The following PYGO1 variants were observed in gnomAD, a reference collection of about 807,000 sequenced individuals.
PYGO1 encodes pygopus family PHD finger 1, also known as pygopus homolog 1.
A neutral mutation model predicts 29.5 loss-of-function variants in PYGO1; 6 were observed. The ratio of observed to expected loss-of-function variants is 0.20; its 90% confidence interval spans 0.11 to 0.40. PYGO1 has a LOEUF of 0.40. PYGO1 is among the 10% of genes least tolerant of loss of function. The pLI is 1.00. For missense variants in PYGO1, 515 were observed against 514.9 expected, an observed-to-expected ratio of 1.00 and a Z score of 0.00; for synonymous variants, 186 against 180.5, an observed-to-expected ratio of 1.03 and a Z score of -0.24.
intron 1 of PYGO1, among the ~76,000 whole-genome samples, chr15:55,564,586 ATG>A (rs1170505169): frequency 7.3e-5 from 6 of 82,302 alleles, no homozygotes; most frequent in Non-Finnish European, 1.6e-4. Context: ...TCTGGTGGCC[ATG>A]CCTGTCCCAG....
intron 1 of PYGO1, among the ~76,000 whole-genome samples, chr15:55,560,064 A>ACAGCTGAT (rs1309317833): frequency 6.6e-6 from 1 of 152,094 alleles, no homozygotes; most frequent in African/African-American, 2.4e-5. Context: ...TGACAAACCC[A>ACAGCTGAT]CAGCTGATTA....
In PYGO1 at chr15:55,578,369, A is replaced by G. The variant is rs578241058; in HGVS notation, c.49+9466T>C. ...AAGCATGTTTTCAATCCTCTTGAGTATCTATCTAGAGGTGGAATCACTGGG... is the reference window on the plus strand; with the variant it reads ...AAGCATGTTTTCAATCCTCTTGAGTGTCTATCTAGAGGTGGAATCACTGGG... On this transcript the variant is annotated intron_variant, in intron 1 of 2. Transcript: ENST00000563719. Among the ~76,000 whole-genome samples the G allele has an allele frequency of 1.7e-4, 26 of 152,038 alleles. No individual in the cohort carries two copies. The South Asian group carries it at 5.2e-3, about 30-fold the overall frequency.
chr15:55,565,721 A>C (rs2058953383), intron 1 of PYGO1, among the ~76,000 whole-genome samples: 1 of 152,096 alleles, frequency 6.6e-6, no homozygotes, highest in Non-Finnish European at 1.5e-5. Flanking sequence ...CTCCCCCAAA[A>C]AAAAACAAAA....
chr15:55,587,575 G>T (rs950313268), intron 1 of PYGO1, among the ~76,000 whole-genome samples: 1 of 151,916 alleles, frequency 6.6e-6, no homozygotes, highest in African/African-American at 2.4e-5. Context: ...TGAGGAGGGG[G>T]TAAGAAAGGA....
intron 1 of PYGO1, among the ~76,000 whole-genome samples, chr15:55,559,108 A>T (rs2058921141): frequency 6.6e-6 from 1 of 152,214 alleles, no homozygotes; most frequent in Non-Finnish European, 1.5e-5. Context: ...TAATATCCAG[A>T]ATCTACAAAG....
chr15:55,541,594 C>G lies in PYGO1; in HGVS notation c.*4429G>C, dbSNP rs2058828243. On this transcript the variant is annotated 3_prime_UTR_variant, in exon 3 of 3. Coordinates refer to ENST00000563719, the MANE Select transcript of PYGO1 (RefSeq NM_001367806.1). Reference sequence around the variant, plus strand: ...CTTTTCCCACTATCTTCATTCATACCTTAGTAGAAAATGCTTTTCTCTTAA... The same window carrying G: ...CTTTTCCCACTATCTTCATTCATACGTTAGTAGAAAATGCTTTTCTCTTAA... 1.3e-5 allele frequency: 2 copies of G among 152,076 alleles called. No homozygotes were observed. Among genetic ancestry groups the G allele is most frequent in the African/African-American group, 4.8e-5 (2 of 41,396 alleles). The allele number at this position is 152,076 out of a possible 1,614,324, so 9.4% of individuals were successfully genotyped here. A position where few individuals can be genotyped will look rare whatever the true frequency, so the allele number is the denominator to read the frequency against.
At chr15:55,552,953 C>G (rs1309752007) in intron 1 of PYGO1, among the ~76,000 whole-genome samples, 1 of 152,212 alleles carries the variant, frequency 6.6e-6, no homozygotes, top group Non-Finnish European at 1.5e-5. Context: ...CTTGGAATTC[C>G]AGCCACCAGC....
chr15:55,558,593 A>G (rs1389104522), intron 1 of PYGO1, among the ~76,000 whole-genome samples: 1 of 152,080 alleles, frequency 6.6e-6, no homozygotes, highest in Non-Finnish European at 1.5e-5. Flanking sequence ...CCTGGCTTCA[A>G]ACTACACTAC....
Position 55,573,997 on chromosome 15 carries a change from C to T in PYGO1, c.49+13838G>A, listed in dbSNP as rs113615742. Among the ~76,000 whole-genome samples, 9 of 152,136 alleles carry T rather than the reference C, an allele frequency of 5.9e-5. No individual in the cohort carries two copies. In the East Asian group the frequency reaches 1.3e-3, roughly 23 times the overall value. ...AACCAAGGTTGAAGACCTCAATCTA[C>T]GGTATATATCAAGCAATTCAGCTTT... On this transcript the variant is annotated intron_variant, in intron 1 of 2. Transcript: ENST00000563719.
At chr15:55,554,980 C>T (rs766879818) in intron 1 of PYGO1, among the ~76,000 whole-genome samples, 9 of 152,006 alleles carry the variant, frequency 5.9e-5, no homozygotes, top group Non-Finnish European at 1.2e-4. Flanking sequence ...GCAAGACAGG[C>T]CAACATTCAA....
chr15:55,579,632 C>T (rs1245026536), intron 1 of PYGO1, among the ~76,000 whole-genome samples: 1 of 152,140 alleles, frequency 6.6e-6, no homozygotes, highest in Non-Finnish European at 1.5e-5. Flanking sequence ...CTTACTACTT[C>T]AGCCTCTCAA....
intron 1 of PYGO1, among the ~76,000 whole-genome samples, chr15:55,559,071 T>C (rs1034260192): frequency 6.6e-6 from 1 of 152,080 alleles, no homozygotes; most frequent in African/African-American, 2.4e-5. Flanking sequence ...GAGAAAATTT[T>C]TGCAATCTAC....
intron 1 of PYGO1, among the ~76,000 whole-genome samples, chr15:55,574,891 A>C (rs1344287181): frequency 2.0e-5 from 3 of 152,120 alleles, no homozygotes; most frequent in Non-Finnish European, 4.4e-5. Context: ...AAAAGACAAA[A>C]ACTAAGAAAA....
chr15:55,587,540 T>C (rs549238577), intron 1 of PYGO1, among the ~76,000 whole-genome samples: 3 of 152,002 alleles, frequency 2.0e-5, no homozygotes, highest in African/African-American at 7.2e-5. Flanking sequence ...CCTATTGTGC[T>C]GTCTTGAGAA....
At chr15:55,568,637 A>G (rs764557324) in intron 1 of PYGO1, among the ~76,000 whole-genome samples, 5 of 151,930 alleles carry the variant, frequency 3.3e-5, no homozygotes, top group Non-Finnish European at 5.9e-5. Flanking sequence ...ACTGAATAGG[A>G]GTCATGAGAG....
rs373298111 is a variant in PYGO1, at chr15:55,570,183, C to G, written c.49+17652G>C. ...ATCATGGGGGCTGTTTGCCAGTGTT[C>G]TCCTCTCTGGGATTGAGGGTGTCCT... On this transcript the variant is annotated intron_variant, in intron 1 of 2. Transcript: ENST00000563719. 3.2e-4 allele frequency among the ~76,000 whole-genome samples: 48 copies of G among 152,270 alleles called. 1 individual carries two copies. The highest frequency in any genetic ancestry group is 1.6e-3 in the Admixed American group (24 of 15,298).
chr15:55,588,938 C>A (rs1214904973), upstream of PYGO1: 1 of 1,253,108 alleles, frequency 8.0e-7, no homozygotes, highest in Non-Finnish European at 1.2e-6. Flanking sequence ...GGTATTTTAA[C>A]GACTTGACTC....
rs753098064 is a variant in PYGO1 at position 55,547,096 on chromosome 15, A to G, written c.187T>C (p.Ser63Pro). Residue 63 changes from serine to proline, a missense_variant, in exon 3 of 3, where the codon TCT becomes CCT. Transcript: ENST00000563719. ...GGATTAGCAGCCACTAGATGGTCAG[A>G]GTTTGGATTCGGTGGTGGAGCATAC... ...SEYAPPPNPN[S>P]DHLVAANPFD... is the part of the protein sequence containing the mutation. 8 of 1,611,930 alleles carry G rather than the reference A, an allele frequency of 5.0e-6. No homozygotes were observed. Among genetic ancestry groups the G allele is most frequent in the Non-Finnish European group, 6.8e-6 (8 of 1,179,228 alleles).
At chr15:55,566,539 G>A (rs2058957733) in intron 1 of PYGO1, among the ~76,000 whole-genome samples, 3 of 152,120 alleles carry the variant, frequency 2.0e-5, no homozygotes, top group Admixed American at 2.0e-4. Flanking sequence ...CCATGTACAT[G>A]TGATTATGTG....
Sources: allele counts gnomAD v4.1 joint callset (sites outside exome capture counted in the v4.1 genomes callset), GRCh38; gene constraint gnomAD v4.1.1; transcripts MANE v1.5; gene names NCBI Gene and HGNC (gene_info 2026-07-23, HGNC 2026-07-21).